MAST4: variants seen among roughly 807,000 people sequenced by gnomAD.
The protein encoded by MAST4 is microtubule-associated serine/threonine-protein kinase 4.
MAST4 carries 89 observed loss-of-function variants against 162.7 expected under a neutral mutation model. The ratio of observed to expected loss-of-function variants is 0.55; its 90% CI spans 0.46 to 0.65. MAST4 has a LOEUF of 0.65. Among genes scored for constraint, MAST4 ranks in the 30% least tolerant of loss-of-function variants. The pLI is 0.00. For missense variants in MAST4, 3,153 were observed against 3,374.0 expected (o/e 0.93, Z 1.62); for synonymous variants, 1,479 against 1,361.1 (o/e 1.09, Z -1.91).
At chr5:67,024,296 C>T (rs1401196509) in intron 4 of MAST4, among the ~76,000 whole-genome samples, 1 of 148,114 alleles carries the variant, frequency 6.8e-6, no homozygotes, top group Non-Finnish European at 1.5e-5. Flanking sequence ...CACTGTTCAG[C>T]CTGAAACAAG....
At chr5:66,711,913 C>T (rs1048409168) in intron 1 of MAST4, among the ~76,000 whole-genome samples, 10 of 152,058 alleles carry the variant, frequency 6.6e-5, no homozygotes, top group African/African-American at 2.2e-4. Flanking sequence ...CATCACAAGA[C>T]CCTTAATTTA....
chr5:66,859,691 G>T (rs1759950935), intron 3 of MAST4, among the ~76,000 whole-genome samples: 1 of 152,214 alleles, frequency 6.6e-6, no homozygotes. Context: ...TTGTCATTGA[G>T]TGCAATATCA....
chr5:66,968,145 T>G (rs1746978596), intron 4 of MAST4, among the ~76,000 whole-genome samples: 1 of 152,228 alleles, frequency 6.6e-6, no homozygotes, highest in South Asian at 2.1e-4. Context: ...ACACCATTAC[T>G]CAGTGGCCAA....
At chr5:66,808,411 C>T (rs1190863030) in intron 3 of MAST4, among the ~76,000 whole-genome samples, 1 of 152,086 alleles carries the variant, frequency 6.6e-6, no homozygotes, top group Non-Finnish European at 1.5e-5. Context: ...GTCAAATAGC[C>T]CCTATTAACT....
intron 1 of MAST4, among the ~76,000 whole-genome samples, chr5:66,620,275 G>A (rs1372549279): frequency 6.6e-6 from 1 of 151,988 alleles, no homozygotes; most frequent in East Asian, 1.9e-4. Context: ...TGTGAGTGGG[G>A]AAAATATATA....
intron 4 of MAST4, among the ~76,000 whole-genome samples, chr5:67,016,448 C>A (rs1418611268): frequency 6.6e-6 from 1 of 152,094 alleles, no homozygotes. Context: ...CTTGGCAATT[C>A]AAAAGATATT....
At chr5:66,643,525 G>T (rs904571909) in intron 1 of MAST4, among the ~76,000 whole-genome samples, 24 of 152,214 alleles carry the variant, frequency 1.6e-4, no homozygotes, top group African/African-American at 5.8e-4. Context: ...TAGTGAGAGT[G>T]TTTTTCAGTA....
At chr5:67,102,414 T>A in intron 8 of MAST4, 122 bp from the exon 9 acceptor site, 5 of 852,424 alleles carry the variant, frequency 5.9e-6, no homozygotes, top group East Asian at 5.0e-5. Flanking sequence ...GTTTATTATC[T>A]GATATACTTT....
At chr5:66,792,212 A>C (rs1176099719) in intron 3 of MAST4, 1 of 167,824 alleles carries the variant, frequency 6.0e-6, no homozygotes, top group Non-Finnish European at 1.5e-5. Flanking sequence ...TCTTCAAACA[A>C]ATTGACATTT....
At chr5:67,105,951 C>T (rs1561659399) in intron 10 of MAST4, among the ~76,000 whole-genome samples, 1 of 152,042 alleles carries the variant, frequency 6.6e-6, no homozygotes, top group Non-Finnish European at 1.5e-5. Context: ...CTTCTGATAC[C>T]CCTCAACTCA....
At chr5:66,680,127 A>G (rs1748232735) in intron 1 of MAST4, among the ~76,000 whole-genome samples, 1 of 152,086 alleles carries the variant, frequency 6.6e-6, no homozygotes, top group African/African-American at 2.4e-5. Flanking sequence ...GAAAAGATGC[A>G]CTTAGACTGG....
chr5:66,978,491 G>A (rs1235590634), intron 4 of MAST4, among the ~76,000 whole-genome samples: 1 of 152,222 alleles, frequency 6.6e-6, no homozygotes. Context: ...TTAGTTTTAA[G>A]TAACAATTTA....
Position 66,759,758 on chromosome 5 carries a change from A to G in MAST4, c.413A>G (p.Asn138Ser), listed in dbSNP as rs763987661. 1 of 1,614,000 alleles carries G rather than the reference A, an allele frequency of 6.2e-7. No homozygotes were observed. The change falls in exon 2 of 29, where the codon AAC becomes AGC. Residue 138 changes from asparagine (N) to serine (S), a missense_variant. Physicochemically the swap from Asn to Ser is conservative, Grantham distance 46. Around this residue, in one of 7 missense-constraint regions of MAST4, gnomAD observed 327 missense variants for 336.5 expected, o/e 0.97. Coordinates refer to ENST00000403625, the MANE Select transcript of MAST4 (RefSeq NM_001164664.2). ...PPPMPFRKCS[N>S]PDVASGPGKS... ...CCCATGCCGTTTCGGAAATGCAGCA[A>G]CCCAGATGTGGCTTCTGGCCCTGGA...
chr5:66,611,173 GA>G (rs1743264860), intron 1 of MAST4, among the ~76,000 whole-genome samples: 1 of 152,204 alleles, frequency 6.6e-6, no homozygotes, highest in Non-Finnish European at 1.5e-5. Context: ...CTTACCAGCA[GA>G]CTTTAAGACT....
intron 3 of MAST4, among the ~76,000 whole-genome samples, chr5:66,893,870 A>G (rs1415254766): frequency 2.6e-5 from 4 of 152,128 alleles, no homozygotes; most frequent in Non-Finnish European, 5.9e-5. Flanking sequence ...GCCCTGTGTA[A>G]GATCTGGTTC....
intron 1 of MAST4, among the ~76,000 whole-genome samples, chr5:66,597,597 G>T (rs1156775728): frequency 6.6e-6 from 1 of 152,210 alleles, no homozygotes. Context: ...GCGCTCCCTC[G>T]GTGGCGCTGG....
At chr5:67,085,876 A>AG (rs1295131680) in intron 5 of MAST4, among the ~76,000 whole-genome samples, 20 of 152,298 alleles carry the variant, frequency 1.3e-4, no homozygotes, top group African/African-American at 3.8e-4. Context: ...CAAAGTTCTC[A>AG]GGGGGAACGG....
chr5:66,759,751 T>A lies in MAST4; in HGVS notation c.406T>A (p.Cys136Ser), dbSNP rs1441546874. The A allele has an allele frequency of 6.2e-7, 1 of 1,613,870 alleles. No homozygotes were observed. ...LSPPPMPFRKCSNPDVASGPG... is the reference protein window; with the variant it reads ...LSPPPMPFRKSSNPDVASGPG... ...CCCTCCACCCATGCCGTTTCGGAAA[T>A]GCAGCAACCCAGATGTGGCTTCTGG... Residue 136 changes from cysteine (C) to serine (S), a missense_variant, in exon 2 of 29, where the codon TGC becomes AGC. Coordinates refer to ENST00000403625, the MANE Select transcript of MAST4 (RefSeq NM_001164664.2).
intron 3 of MAST4, among the ~76,000 whole-genome samples, chr5:66,865,111 T>G (rs925820182): frequency 6.6e-6 from 1 of 152,186 alleles, no homozygotes; most frequent in Non-Finnish European, 1.5e-5. Flanking sequence ...GATGGTGGTG[T>G]TCTTTGCTGG....
Sources: allele counts gnomAD v4.1 joint callset (sites outside exome capture counted in the v4.1 genomes callset), GRCh38; gene constraint gnomAD v4.1.1; regional missense constraint gnomAD v4.1.1; transcripts MANE v1.5; gene names NCBI Gene and HGNC (gene_info 2026-07-23, HGNC 2026-07-21).